The following NR2C2 variants were observed in gnomAD, a reference collection of about 807,000 sequenced individuals.
NR2C2 encodes Nuclear hormone receptor TR4.
NR2C2 carries 6 observed loss-of-function variants against 62.9 expected under a neutral mutation model. The observed-to-expected ratio is 0.10, with a 90% CI of 0.05 to 0.19. The LOEUF is 0.19. Among genes scored for constraint, NR2C2 ranks in the 10% least tolerant of loss-of-function variants. The probability of loss-of-function intolerance (pLI) is 1.00; values close to 1 mark genes in which losing one functional copy is unlikely to be tolerated. For synonymous variants in NR2C2, 272 were observed against 273.8 expected (o/e 0.99, Z 0.07); for missense variants, 479 against 762.7 (o/e 0.63, Z 4.38).
chr3:15,004,367 G>A (rs1307509127), intron 2 of NR2C2, among the ~76,000 whole-genome samples: 1 of 152,084 alleles, frequency 6.6e-6, no homozygotes, highest in Non-Finnish European at 1.5e-5. Flanking sequence ...TCTTCATTTG[G>A]AAAATAGACA....
In NR2C2 at chr3:15,034,632, A is replaced by C. The variant is rs1313476567; in HGVS notation, c.1233-38A>C. On this transcript the variant is annotated intron_variant, in intron 10 of 13. Transcript: ENST00000425241. Reference sequence around the variant, plus strand: ...TGCCCCACAACCTTGGAGAAATGCCAACACACACCACACTCAGACTCCTTT... The same window carrying C: ...TGCCCCACAACCTTGGAGAAATGCCCACACACACCACACTCAGACTCCTTT... 10 of 1,603,346 alleles carry C rather than the reference A, an allele frequency of 6.2e-6. No individual in the cohort carries two copies. In the East Asian group the frequency reaches 2.0e-4, roughly 32 times the overall value.
intron 1 of NR2C2, among the ~76,000 whole-genome samples, chr3:14,986,889 T>C (rs892968416): frequency 2.0e-5 from 3 of 152,196 alleles, no homozygotes; most frequent in South Asian, 2.1e-4. Context: ...TGTGTTTCCA[T>C]GTAATCAGCT....
intron 1 of NR2C2, among the ~76,000 whole-genome samples, chr3:15,000,021 A>C (rs752965687): frequency 4.6e-4 from 70 of 152,196 alleles, no homozygotes; most frequent in Non-Finnish European, 9.3e-4. Context: ...TATTTTTGCC[A>C]TGAGAACATT....
At chr3:15,002,966 A>G (rs898091110) in intron 1 of NR2C2, among the ~76,000 whole-genome samples, 2 of 135,088 alleles carry the variant, frequency 1.5e-5, no homozygotes, top group Non-Finnish European at 1.6e-5. Context: ...CCCACAATAC[A>G]CTTTTTTTTT....
chr3:15,000,949 G>A (rs2040975684), intron 1 of NR2C2, among the ~76,000 whole-genome samples: 1 of 151,538 alleles, frequency 6.6e-6, no homozygotes, highest in South Asian at 2.1e-4. Flanking sequence ...TGAGTAGCTG[G>A]GACTACAGGC....
At chr3:15,015,629 G>A (rs1168877381) in intron 3 of NR2C2, among the ~76,000 whole-genome samples, 3 of 152,180 alleles carry the variant, frequency 2.0e-5, no homozygotes, top group South Asian at 2.1e-4. Flanking sequence ...GGAAACCAGC[G>A]CCTGACCCTG....
intron 1 of NR2C2, among the ~76,000 whole-genome samples, chr3:14,957,796 G>A (rs1474599374): frequency 6.6e-6 from 1 of 151,162 alleles, no homozygotes; most frequent in East Asian, 2.0e-4. Flanking sequence ...TTTCCACACT[G>A]CAGTCTAAAT....
At chr3:15,020,622 G>A in intron 4 of NR2C2, 131 bp from the exon 5 acceptor site, 1 of 912,548 alleles carries the variant, frequency 1.1e-6, no homozygotes, top group South Asian at 1.7e-5. Context: ...CAGGCCACGT[G>A]GCTGTTGGCA....
At chr3:14,958,110 C>T (rs2039579547) in intron 1 of NR2C2, among the ~76,000 whole-genome samples, 1 of 152,192 alleles carries the variant, frequency 6.6e-6, no homozygotes, top group African/African-American at 2.4e-5. Context: ...AGGCAGAGAG[C>T]AATGTGTCTT....
intron 1 of NR2C2, among the ~76,000 whole-genome samples, chr3:14,995,078 G>A (rs776646241): frequency 1.4e-5 from 2 of 143,530 alleles, no homozygotes; most frequent in African/African-American, 2.6e-5. Flanking sequence ...CCCTCCGGTC[G>A]AGTTGAACCC....
chr3:14,949,295 T>C (rs2039269577), intron 1 of NR2C2, among the ~76,000 whole-genome samples: 1 of 152,208 alleles, frequency 6.6e-6, no homozygotes, highest in Admixed American at 6.5e-5. Context: ...ATGGTCAGGG[T>C]GGCCTCTCTG....
rs200651270 is a variant in NR2C2, at chr3:15,039,996, TA to T, written c.1616+778del. ...AAACCCCGTCTCTACTAAAAATATT[TA>T]AAAAAAAATTAGCCAGGCACGGTGG... On this transcript the variant is annotated intron_variant, in intron 13 of 13. Transcript: ENST00000425241. Among the ~76,000 whole-genome samples the T allele has an allele frequency of 2.2e-3, 331 of 150,550 alleles. 1 individual carries two copies. Among genetic ancestry groups the T allele is most frequent in the Non-Finnish European group, 3.1e-3 (211 of 67,544 alleles).
At chr3:14,999,164 A>G (rs758191230) in intron 1 of NR2C2, among the ~76,000 whole-genome samples, 2 of 152,154 alleles carry the variant, frequency 1.3e-5, no homozygotes, top group Non-Finnish European at 2.9e-5. Flanking sequence ...TAAAAATACA[A>G]AATTAGCCTG....
Position 15,013,615 on chromosome 3 carries a change from GA to G in NR2C2, c.103del (p.Ile35SerfsTer3). 6.2e-7 allele frequency: 1 copy of G among 1,614,178 alleles called. No homozygotes were observed. Among genetic ancestry groups the G allele is most frequent in the Non-Finnish European group, 8.5e-7 (1 of 1,180,022 alleles). ...QIVTDQQTGQ[K>X]IQIVTAVDAS... is the part of the protein sequence containing the mutation. Reference sequence around the variant, plus strand: ...TTGTCACAGACCAGCAGACAGGACAGAAAATCCAGATAGTCACCGCAGTGGA... The same window carrying G: ...TTGTCACAGACCAGCAGACAGGACAGAAATCCAGATAGTCACCGCAGTGGA... On this transcript the variant is annotated frameshift_variant, in exon 3 of 14. Transcript: ENST00000425241. LOFTEE classifies it high-confidence loss of function.
intron 11 of NR2C2, among the ~76,000 whole-genome samples, chr3:15,036,173 G>A (rs963074955): frequency 1.3e-5 from 2 of 152,114 alleles, no homozygotes; most frequent in Non-Finnish European, 2.9e-5. Context: ...CTGGGTGACA[G>A]AGCGAAACTA....
intron 1 of NR2C2, among the ~76,000 whole-genome samples, chr3:14,976,940 G>A (rs948346611): frequency 3.9e-5 from 6 of 151,956 alleles, no homozygotes; most frequent in South Asian, 2.1e-4. Context: ...GAAATATACA[G>A]TCATGTCCTG....
intron 7 of NR2C2, among the ~76,000 whole-genome samples, chr3:15,025,148 C>A (rs1196551597): frequency 6.6e-6 from 1 of 152,214 alleles, no homozygotes; most frequent in East Asian, 1.9e-4. Context: ...AGAACAGTGG[C>A]TCTGACTGCA....
intron 1 of NR2C2, among the ~76,000 whole-genome samples, chr3:14,988,470 G>C (rs559696471): frequency 1.2e-4 from 18 of 152,316 alleles, no homozygotes; most frequent in African/African-American, 3.8e-4. Flanking sequence ...ATATAACGTG[G>C]GTTCCCAGAA....
At chr3:14,987,340 C>T (rs978308987) in intron 1 of NR2C2, among the ~76,000 whole-genome samples, 32 of 152,100 alleles carry the variant, frequency 2.1e-4, no homozygotes, top group Non-Finnish European at 3.7e-4. Context: ...GCCTTGGCCT[C>T]GCAGAGTGCT....
Sources: allele counts gnomAD v4.1 joint callset (sites outside exome capture counted in the v4.1 genomes callset), GRCh38; gene constraint gnomAD v4.1.1; transcripts MANE v1.5; gene names NCBI Gene and HGNC (gene_info 2026-07-23, HGNC 2026-07-21).